The following ELF2 variants were observed in gnomAD, a reference collection of about 807,000 sequenced individuals.
The protein encoded by ELF2 is E74 like ETS transcription factor 2.
A neutral mutation model predicts 54.8 loss-of-function variants in ELF2; 11 were observed. The ratio of observed to expected loss-of-function variants is 0.20; its 90% CI spans 0.13 to 0.33. The LOEUF is 0.33. Ranked by LOEUF, ELF2 falls within the 10% of genes least tolerant of loss-of-function variation. ELF2 has a pLI of 1.00. For synonymous variants in ELF2, 203 were observed against 245.1 expected (o/e 0.83, Z 1.61); for missense variants, 513 against 703.0 (o/e 0.73, Z 3.06).
At chr4:139,106,734 A>G (rs867819551) in intron 4 of ELF2, among the ~76,000 whole-genome samples, 87 of 137,754 alleles carry the variant, frequency 6.3e-4, no homozygotes, top group African/African-American at 2.1e-3. Context: ...TTTGATAACT[A>G]TATTTCTTTT....
At chr4:139,083,238 A>ACTCC (rs1282305119) in intron 4 of ELF2, among the ~76,000 whole-genome samples, 2 of 150,690 alleles carry the variant, frequency 1.3e-5, no homozygotes, top group Non-Finnish European at 3.0e-5. Context: ...TAGGGCCAAG[A>ACTCC]CTCCCTCCCT....
intron 4 of ELF2, chr4:139,102,492 A>C (rs1475034535): frequency 6.7e-6 from 1 of 149,296 alleles, no homozygotes; most frequent in Non-Finnish European, 1.5e-5. Flanking sequence ...GTGAGCGGAG[A>C]TAGCACCACT....
intron 5 of ELF2, 62 bp downstream of exon 5, chr4:139,073,389 AAAC>A (rs1729801584): frequency 8.3e-7 from 1 of 1,202,332 alleles, no homozygotes; most frequent in South Asian, 1.8e-5. Context: ...AAAAAACAAA[AAAC>A]TTTATTTTAG....
intron 1 of ELF2, among the ~76,000 whole-genome samples, chr4:139,159,503 G>A (rs943887264): frequency 6.6e-6 from 1 of 152,138 alleles, no homozygotes; most frequent in African/African-American, 2.4e-5. Context: ...CAGATGAGAA[G>A]GAGAAAAACT....
At chr4:139,110,485 A>G (rs917083274) in intron 4 of ELF2, among the ~76,000 whole-genome samples, 2 of 152,254 alleles carry the variant, frequency 1.3e-5, no homozygotes, top group Non-Finnish European at 2.9e-5. Context: ...ACTGACAACC[A>G]TATCATAGAC....
intron 1 of ELF2, among the ~76,000 whole-genome samples, chr4:139,171,720 C>T (rs1233179140): frequency 1.3e-5 from 2 of 152,026 alleles, no homozygotes; most frequent in Admixed American, 6.6e-5. Flanking sequence ...GCTCAGGATT[C>T]GAGACCAGCC....
At chr4:139,114,949 C>T in intron 4 of ELF2, 1 of 1,613,460 alleles carries the variant, frequency 6.2e-7, no homozygotes, top group Non-Finnish European at 8.5e-7. Context: ...CTGGGGTGTG[C>T]TCAGCTTCTG....
intron 1 of ELF2, among the ~76,000 whole-genome samples, chr4:139,153,693 C>T (rs1051615465): frequency 6.6e-6 from 1 of 152,134 alleles, no homozygotes; most frequent in Non-Finnish European, 1.5e-5. Flanking sequence ...TTTAATTTCA[C>T]CCTGACAATA....
intron 1 of ELF2, among the ~76,000 whole-genome samples, chr4:139,151,035 A>AAAAAGAAAGGAAAGATAGGAAAGAAAG (rs201472609): frequency 2.4e-5 from 1 of 42,526 alleles, no homozygotes; most frequent in African/African-American, 5.8e-5. Flanking sequence ...AAAAAAAAAA[A>AAAAAGAAAGGAAAGATAGGAAAGAAAG]GAAAGAAAGA....
At chr4:139,137,989 T>G (rs915916654) in intron 2 of ELF2, 122 bp from the exon 3 acceptor site, 1 of 644,360 alleles carries the variant, frequency 1.6e-6, no homozygotes. Flanking sequence ...AGGCTTAACA[T>G]CCCCGTGTCA....
chr4:139,113,282 G>A (rs957362219), intron 4 of ELF2, among the ~76,000 whole-genome samples: 3 of 151,608 alleles, frequency 2.0e-5, no homozygotes, highest in South Asian at 2.1e-4. Context: ...CACTACAGCC[G>A]GGACAGTCAA....
chr4:139,139,518 A>T (rs1180432566), intron 1 of ELF2, 21 bp from the exon 2 acceptor site: 2 of 1,169,582 alleles, frequency 1.7e-6, no homozygotes, highest in Non-Finnish European at 2.1e-6. Flanking sequence ...GAGGGGAAAA[A>T]AGATAATATT....
intron 4 of ELF2, among the ~76,000 whole-genome samples, chr4:139,121,046 A>G (rs1736257489): frequency 1.3e-5 from 2 of 151,528 alleles, no homozygotes; most frequent in Admixed American, 6.6e-5. Context: ...GAATTTGTAA[A>G]TAACGCTCAT....
At chr4:139,145,802 A>G (rs1177310737) in intron 1 of ELF2, among the ~76,000 whole-genome samples, 1 of 152,214 alleles carries the variant, frequency 6.6e-6, no homozygotes, top group Non-Finnish European at 1.5e-5. Context: ...TGATTGTTTC[A>G]ATAGATGCAG....
At chr4:139,117,605 G>T (rs1460816901) in intron 4 of ELF2, among the ~76,000 whole-genome samples, 3 of 152,124 alleles carry the variant, frequency 2.0e-5, no homozygotes, top group Non-Finnish European at 2.9e-5. Context: ...TGAGGCACAA[G>T]AATTGCTTGA....
chr4:139,173,212 C>G (rs541329997), intron 1 of ELF2, among the ~76,000 whole-genome samples: 4 of 151,860 alleles, frequency 2.6e-5, no homozygotes, highest in Admixed American at 1.3e-4. Flanking sequence ...GATAGTTTCA[C>G]GATCTATATA....
Position 139,068,721 on chromosome 4 carries a change from T to C in ELF2, c.527-951A>G, listed in dbSNP as rs75241183. ...AAAAAGTAAGGGCTATATACTTTTC[T>C]ACACGAAAGAGGATTAAGCCTGAAA... On this transcript the variant is annotated intron_variant, in intron 6 of 9. Coordinates refer to ENST00000686138, the MANE Select transcript of ELF2 (RefSeq NM_001331036.3). Among the ~76,000 whole-genome samples, 1,387 of 152,348 alleles carry C rather than the reference T, an allele frequency of 9.1e-3. 10 individuals are homozygous for C. Among genetic ancestry groups the C allele is most frequent in the East Asian group, 0.04 (210 of 5,188 alleles).
Position 139,113,635 on chromosome 4 carries a change from A to G in ELF2, c.238+11529T>C, listed in dbSNP as rs375755299. On this transcript the variant is annotated intron_variant, in intron 4 of 9. Coordinates refer to ENST00000686138, the MANE Select transcript of ELF2 (RefSeq NM_001331036.3). ...GAGACCAAGGAGGACAGATCGAGTCACTTGATGTCAGGAGTTTGAGACCAG... is the reference window on the plus strand; with the variant it reads ...GAGACCAAGGAGGACAGATCGAGTCGCTTGATGTCAGGAGTTTGAGACCAG... Among the ~76,000 whole-genome samples the G allele has an allele frequency of 1.6e-4, 24 of 152,086 alleles. 1 individual carries two copies. In the East Asian group the frequency reaches 2.7e-3, roughly 17 times the overall value.
intron 1 of ELF2, among the ~76,000 whole-genome samples, chr4:139,167,874 A>C (rs1276181010): frequency 1.3e-5 from 2 of 152,176 alleles, no homozygotes; most frequent in African/African-American, 4.8e-5. Context: ...GGTTTTCCCA[A>C]GATAATTGAA....
Sources: gnomAD v4.1 joint callset for allele counts (sites outside exome capture counted in the v4.1 genomes callset) on GRCh38, gnomAD v4.1.1 for gene constraint, MANE v1.5 for transcripts, NCBI Gene and HGNC (gene_info 2026-07-23, HGNC 2026-07-21) for gene names.